CFAP299: variants seen among roughly 807,000 people sequenced by gnomAD.
CFAP299 encodes cilia and flagella associated protein 299.
In CFAP299, 21 loss-of-function variants were observed where a neutral mutation model predicts 27.0. The observed-to-expected ratio is 0.78, with a 90% confidence interval of 0.55 to 1.12. The LOEUF (loss-of-function observed/expected upper bound fraction) is 1.12, where lower values mean the gene tolerates loss of function less well. Ranked by LOEUF, CFAP299 falls within the 50% of genes most tolerant of loss-of-function variation. CFAP299 has a pLI of 0.00. For missense variants in CFAP299, 310 were observed against 276.6 expected (o/e 1.12, Z -0.86); for synonymous variants, 104 against 98.1 (o/e 1.06, Z -0.36).
In CFAP299 at chr4:80,666,575, A is replaced by T. The variant is rs145356411; in HGVS notation, c.333+83392A>T. Among the ~76,000 whole-genome samples the T allele has an allele frequency of 3.0e-3, 455 of 152,278 alleles. 1 individual carries two copies. The Middle Eastern group carries it at 0.031, about 10-fold the overall frequency. On this transcript the variant is annotated intron_variant, in intron 3 of 5. Coordinates refer to ENST00000358105, the MANE Select transcript of CFAP299 (RefSeq NM_152770.3). ...CATCTTATGTCTTCCTTCTCATCCT[A>T]TATCTCACAATACTCATCTAGTTCA...
intron 1 of CFAP299, among the ~76,000 whole-genome samples, chr4:80,355,428 G>A (rs928342730): frequency 6.8e-6 from 1 of 148,032 alleles, no homozygotes; most frequent in Non-Finnish European, 1.5e-5. Flanking sequence ...CGCGATCTCG[G>A]CTCACTGCAA....
chr4:80,908,491 G>A (rs1181099349), intron 4 of CFAP299, among the ~76,000 whole-genome samples: 1 of 152,132 alleles, frequency 6.6e-6, no homozygotes, highest in Non-Finnish European at 1.5e-5. Flanking sequence ...GAAAAAATTA[G>A]TGGAGAGGTG....
At chr4:80,571,638 C>G (rs1735585204) in intron 2 of CFAP299, among the ~76,000 whole-genome samples, 1 of 151,878 alleles carries the variant, frequency 6.6e-6, no homozygotes, top group South Asian at 2.1e-4. Flanking sequence ...CCCCAAATAT[C>G]ATGGTATTTG....
intron 3 of CFAP299, among the ~76,000 whole-genome samples, chr4:80,656,170 G>T (rs368457548): frequency 1.3e-5 from 2 of 151,884 alleles, no homozygotes; most frequent in African/African-American, 4.8e-5. Flanking sequence ...AATTATTGTT[G>T]CAGTTTTATA....
intron 3 of CFAP299, among the ~76,000 whole-genome samples, chr4:80,663,014 A>G (rs1740941455): frequency 6.6e-6 from 1 of 151,306 alleles, no homozygotes; most frequent in South Asian, 2.1e-4. Flanking sequence ...TCAGGCTGTT[A>G]AAGGAAAAAA....
chr4:80,951,450 A>G (rs774704138), intron 5 of CFAP299, among the ~76,000 whole-genome samples: 4 of 152,182 alleles, frequency 2.6e-5, no homozygotes, highest in Non-Finnish European at 2.9e-5. Context: ...ATTGTTCACA[A>G]TTGTTCAAAC....
intron 3 of CFAP299, among the ~76,000 whole-genome samples, chr4:80,599,318 A>G (rs1020638963): frequency 3.9e-5 from 6 of 151,940 alleles, no homozygotes; most frequent in Non-Finnish European, 7.4e-5. Flanking sequence ...CTGTGATAGC[A>G]CTCTTTCTTA....
chr4:80,891,044 T>A (rs1348301743), intron 4 of CFAP299, among the ~76,000 whole-genome samples: 2 of 151,892 alleles, frequency 1.3e-5, no homozygotes, highest in African/African-American at 4.8e-5. Context: ...TCTTTTGCTG[T>A]GCAGAAGCTC....
intron 2 of CFAP299, among the ~76,000 whole-genome samples, chr4:80,455,393 C>T (rs7671275): frequency 0.072 from 11,018 of 152,140 alleles, 1,299 homozygotes; most frequent in African/African-American, 0.25. Context: ...GTTTCACGGG[C>T]ACAAATGAAA....
intron 3 of CFAP299, among the ~76,000 whole-genome samples, chr4:80,786,301 A>G (rs115962640): frequency 0.011 from 1,644 of 152,162 alleles, 33 homozygotes; most frequent in African/African-American, 0.037. Flanking sequence ...AGACATTAAA[A>G]CCAATGAAAA....
At chr4:80,857,951 T>G (rs1732031371) in intron 3 of CFAP299, among the ~76,000 whole-genome samples, 1 of 152,180 alleles carries the variant, frequency 6.6e-6, no homozygotes, top group African/African-American at 2.4e-5. Context: ...TCCCTCTTTT[T>G]CTATTGATTG....
At chr4:80,894,575 G>T (rs1734516995) in intron 4 of CFAP299, among the ~76,000 whole-genome samples, 1 of 151,880 alleles carries the variant, frequency 6.6e-6, no homozygotes, top group Admixed American at 6.6e-5. Context: ...TTACTCTTTT[G>T]TGCAATATTG....
At chr4:80,706,137 A>G (rs1721804489) in intron 3 of CFAP299, among the ~76,000 whole-genome samples, 1 of 151,852 alleles carries the variant, frequency 6.6e-6, no homozygotes, top group African/African-American at 2.4e-5. Context: ...TATTCAGATT[A>G]TACTTCCTTT....
intron 2 of CFAP299, among the ~76,000 whole-genome samples, chr4:80,564,137 T>C (rs1484229192): frequency 6.6e-6 from 1 of 151,966 alleles, no homozygotes; most frequent in East Asian, 1.9e-4. Context: ...ACTCAACCTA[T>C]TATAAAAAAT....
rs190225059 is a variant in CFAP299 at position 80,945,558 on chromosome 4, A to G, written c.606+619A>G. 4.1e-3 allele frequency among the ~76,000 whole-genome samples: 618 copies of G among 152,282 alleles called. 1 individual carries two copies. The highest frequency in any genetic ancestry group is 0.014 in the Middle Eastern group (4 of 294). The stretch of plus-strand genomic sequence containing the variant: ...TGTCCTATGTCTCGGGATGAAAGTT[A>G]AAACTTTGCTTGAAGTCATTATGTG... On this transcript the variant is annotated intron_variant, in intron 5 of 5. Transcript: ENST00000358105.
At chr4:80,779,564 G>A (rs924798877) in intron 3 of CFAP299, among the ~76,000 whole-genome samples, 9 of 151,650 alleles carry the variant, frequency 5.9e-5, no homozygotes, top group African/African-American at 2.2e-4. Flanking sequence ...GTCACCATAT[G>A]CCTGAACTCC....
At chr4:80,589,784 A>T (rs1477619180) in intron 3 of CFAP299, among the ~76,000 whole-genome samples, 1 of 152,204 alleles carries the variant, frequency 6.6e-6, no homozygotes, top group Non-Finnish European at 1.5e-5. Context: ...AAATTTAAAG[A>T]GACCAGTTAC....
At chr4:80,419,541 A>G (rs557689007) in intron 2 of CFAP299, among the ~76,000 whole-genome samples, 6 of 152,280 alleles carry the variant, frequency 3.9e-5, no homozygotes, top group African/African-American at 1.4e-4. Flanking sequence ...GAAGCTTATG[A>G]TCAGGTTTTT....
intron 3 of CFAP299, among the ~76,000 whole-genome samples, chr4:80,612,094 T>C (rs1375067229): frequency 1.3e-5 from 2 of 151,980 alleles, no homozygotes; most frequent in Non-Finnish European, 2.9e-5. Context: ...TTTTTGTAGA[T>C]TAGTGATACT....
Sources: gnomAD v4.1 joint callset for allele counts (sites outside exome capture counted in the v4.1 genomes callset) on GRCh38, gnomAD v4.1.1 for gene constraint, MANE v1.5 for transcripts, NCBI Gene and HGNC (gene_info 2026-07-23, HGNC 2026-07-21) for gene names.